Variants in GAN observed in about 807,000 individuals in gnomAD.
GAN encodes the protein gigaxonin.
A neutral mutation model predicts 71.3 loss-of-function variants in GAN; 48 were observed. The ratio of observed to expected loss-of-function variants is 0.67; its 90% CI spans 0.53 to 0.86. GAN has a LOEUF of 0.86. Ranked by LOEUF, GAN falls within the 40% of genes least tolerant of loss-of-function variation. GAN has a pLI of 0.00. For synonymous variants in GAN, 386 were observed against 276.8 expected, an observed-to-expected ratio of 1.39 and a Z score of -3.92; for missense variants, 928 against 770.1, an observed-to-expected ratio of 1.21 and a Z score of -2.43.
At chr16:81,348,128 T>C (rs957657676) in intron 1 of GAN, among the ~76,000 whole-genome samples, 1 of 152,204 alleles carries the variant, frequency 6.6e-6, no homozygotes, top group Non-Finnish European at 1.5e-5. Context: ...GCATGAGCCA[T>C]GTGCTCAGCC....
chr16:81,368,384 A>G (rs1003869329), intron 9 of GAN, among the ~76,000 whole-genome samples: 1 of 152,238 alleles, frequency 6.6e-6, no homozygotes, highest in Non-Finnish European at 1.5e-5. Context: ...GGATCCCTTG[A>G]GCCCAGGAGT....
chr16:81,343,707 C>T (rs1030169269), intron 1 of GAN, among the ~76,000 whole-genome samples: 22 of 152,172 alleles, frequency 1.4e-4, no homozygotes, highest in African/African-American at 5.1e-4. Flanking sequence ...AAAACTGACA[C>T]AAGACAAGGA....
rs141701163 is a variant in GAN at position 81,359,866 on chromosome 16, T to C, written c.973+1935T>C. Among the ~76,000 whole-genome samples, 1,075 of 152,358 alleles carry C rather than the reference T, an allele frequency of 7.1e-3. 15 individuals are homozygous for C. The highest frequency in any genetic ancestry group is 0.025 in the African/African-American group (1,039 of 41,588). On this transcript the variant is annotated intron_variant, in intron 5 of 10. Transcript: ENST00000648994. The stretch of plus-strand genomic sequence containing the variant: ...CGATAACAATATACTGTAATAGTTA[T>C]GTGAATGTGGTCTCTCTCAAAATAT...
chr16:81,363,754 A>G (rs770981075), intron 6 of GAN, 40 bp from the exon 7 acceptor site: 76 of 1,601,088 alleles, frequency 4.7e-5, no homozygotes, highest in Non-Finnish European at 5.8e-5. Context: ...CAATATGATC[A>G]TTGGCCTTGT....
intron 1 of GAN, among the ~76,000 whole-genome samples, chr16:81,325,844 C>T (rs1259522415): frequency 6.6e-6 from 1 of 152,234 alleles, no homozygotes; most frequent in Non-Finnish European, 1.5e-5. Flanking sequence ...TGTTTAAACA[C>T]CTTAATTATA....
rs371947930 is a variant in GAN at position 81,360,964 on chromosome 16, C to G, written c.974-1535C>G. On this transcript the variant is annotated intron_variant, in intron 5 of 10. Coordinates refer to ENST00000648994, the MANE Select transcript of GAN (RefSeq NM_022041.4). ...AGCAGCCGGGCGCAGTGGCTCACAC[C>G]TATAATCCCAGCACTTTTGGAGGCT... Among the ~76,000 whole-genome samples, 12 of 152,302 alleles carry G rather than the reference C, an allele frequency of 7.9e-5. No homozygotes were observed. The East Asian group carries it at 1.9e-3, about 24-fold the overall frequency.
chr16:81,332,819 C>T (rs1267242771), intron 1 of GAN, among the ~76,000 whole-genome samples: 1 of 152,142 alleles, frequency 6.6e-6, no homozygotes, highest in Non-Finnish European at 1.5e-5. Context: ...GGGAGGGTTG[C>T]ATTTTTGGCA....
intron 1 of GAN, among the ~76,000 whole-genome samples, chr16:81,324,567 A>C (rs1033721095): frequency 1.3e-5 from 2 of 152,082 alleles, no homozygotes; most frequent in Admixed American, 1.3e-4. Context: ...TCGACAACAG[A>C]TTAGAGGCTG....
intron 5 of GAN, among the ~76,000 whole-genome samples, chr16:81,361,490 A>T (rs926750409): frequency 6.6e-5 from 10 of 151,882 alleles, no homozygotes; most frequent in South Asian, 4.2e-4. Flanking sequence ...TTTGGAGAGG[A>T]TCTCCTGCCA....
chr16:81,321,803 G>A (rs1010588434), intron 1 of GAN, among the ~76,000 whole-genome samples: 6 of 152,118 alleles, frequency 3.9e-5, no homozygotes, highest in Non-Finnish European at 7.4e-5. Flanking sequence ...CTGGGTTAAG[G>A]GTGGAGATAC....
At chr16:81,349,898 A>C (rs1172581643) in intron 1 of GAN, among the ~76,000 whole-genome samples, 1 of 152,200 alleles carries the variant, frequency 6.6e-6, no homozygotes, top group Non-Finnish European at 1.5e-5. Flanking sequence ...GATTTAACAG[A>C]GTTATAATTC....
At position 81,380,817 on chromosome 16, in the gene GAN, A is replaced by G. The variant is rs310006; in HGVS notation, c.*3221A>G. The G allele has an allele frequency of 6.6e-6, 1 of 151,950 alleles. No homozygotes were observed. 9.4% of individuals were successfully genotyped at this position (151,950 alleles called of 1,614,324 possible). A position where few individuals can be genotyped will look rare whatever the true frequency, so the allele number is the denominator to read the frequency against. On this transcript the variant is annotated 3_prime_UTR_variant, in exon 11 of 11. Transcript: ENST00000648994. ...GCAGGATTAAAAACAGTGTTTACCA[A>G]CTCGTAGTTGGTATACTGTCAGGAT...
At chr16:81,357,093 A>T (rs767684345) in intron 4 of GAN, 91 bp downstream of exon 4, 66 of 873,244 alleles carry the variant, frequency 7.6e-5, no homozygotes, top group Non-Finnish European at 1.1e-4. Context: ...TCAGTATCTA[A>T]AACATAATTA....
intron 1 of GAN, among the ~76,000 whole-genome samples, chr16:81,330,533 G>C (rs1909540873): frequency 6.6e-6 from 1 of 152,224 alleles, no homozygotes; most frequent in Non-Finnish European, 1.5e-5. Flanking sequence ...ATGAATGAAT[G>C]CATGAATAAA....
At chr16:81,343,630 AC>A (rs1910019649) in intron 1 of GAN, among the ~76,000 whole-genome samples, 1 of 152,122 alleles carries the variant, frequency 6.6e-6, no homozygotes, top group African/African-American at 2.4e-5. Context: ...ACATAATAAG[AC>A]CTATTTACGA....
intron 9 of GAN, among the ~76,000 whole-genome samples, chr16:81,376,673 CAT>C (rs983820549): frequency 6.9e-6 from 1 of 145,018 alleles, no homozygotes; most frequent in African/African-American, 2.6e-5. Flanking sequence ...TGTGTATATA[CAT>C]ATGTGTATAT....
intron 2 of GAN, among the ~76,000 whole-genome samples, chr16:81,353,000 C>T (rs1468979701): frequency 2.0e-5 from 3 of 152,156 alleles, no homozygotes; most frequent in South Asian, 2.1e-4. Context: ...AAATTTAAAA[C>T]GATAGTTGGG....
At position 81,377,336 on chromosome 16, in the gene GAN, T is replaced by G. The variant is rs1904284855; in HGVS notation, c.1612+8T>G. Reference sequence around the variant, plus strand: ...TTGGAGATCTTGATACAGGTAAGAGTGTTACAGTGATTTTCTTGGAACTGT... The same window carrying G: ...TTGGAGATCTTGATACAGGTAAGAGGGTTACAGTGATTTTCTTGGAACTGT... On this transcript the variant is annotated splice_region_variant and intron_variant, in intron 10 of 10. Coordinates refer to ENST00000648994, the MANE Select transcript of GAN (RefSeq NM_022041.4). 1.3e-6 allele frequency: 2 copies of G among 1,579,290 alleles called. No individual in the cohort carries two copies. Among genetic ancestry groups the G allele is most frequent in the African/African-American group, 1.3e-5 (1 of 74,220 alleles).
intron 5 of GAN, among the ~76,000 whole-genome samples, 153 bp downstream of exon 5, chr16:81,358,084 G>A (rs148066643): frequency 2.9e-3 from 438 of 152,230 alleles, no homozygotes; most frequent in African/African-American, 0.01. Context: ...ACCGTGGTTA[G>A]GAAAACCGTA....
Sources: gnomAD v4.1 joint callset for allele counts (sites outside exome capture counted in the v4.1 genomes callset) on GRCh38, gnomAD v4.1.1 for gene constraint, MANE v1.5 for transcripts, NCBI Gene and HGNC (gene_info 2026-07-23, HGNC 2026-07-21) for gene names.